Variants in RHEX observed in about 807,000 individuals in gnomAD.
RHEX encodes regulator of hemoglobinization and erythroid cell expansion protein.
RHEX carries 18 observed loss-of-function variants against 20.1 expected under a neutral mutation model. The ratio of observed to expected loss-of-function variants is 0.90; its 90% CI spans 0.62 to 1.33. The LOEUF (loss-of-function observed/expected upper bound fraction) is 1.33. Ranked by LOEUF, RHEX falls within the 40% of genes most tolerant of loss-of-function variation. The probability of loss-of-function intolerance (pLI) is 0.00; values close to 1 mark genes in which losing one functional copy is unlikely to be tolerated. For synonymous variants in RHEX, 87 were observed against 77.1 expected, an observed-to-expected ratio of 1.13 and a Z score of -0.67; for missense variants, 192 against 214.3, an observed-to-expected ratio of 0.90 and a Z score of 0.65.
At chr1:206,073,886 T>G (rs1453622589) in intron 1 of RHEX, among the ~76,000 whole-genome samples, 2 of 152,162 alleles carry the variant, frequency 1.3e-5, no homozygotes, top group African/African-American at 2.4e-5. Flanking sequence ...TAATCTTGCC[T>G]CCTTTTGACT....
At chr1:206,061,102 G>A (rs1305866807) in intron 1 of RHEX, 1 of 152,118 alleles carries the variant, frequency 6.6e-6, no homozygotes, top group Non-Finnish European at 1.5e-5. Flanking sequence ...TGGCCTATAT[G>A]CCTCAGCTAA....
chr1:206,069,792 C>A (rs1348631227), intron 1 of RHEX, among the ~76,000 whole-genome samples: 1 of 152,146 alleles, frequency 6.6e-6, no homozygotes, highest in Non-Finnish European at 1.5e-5. Context: ...TGCTCTACAA[C>A]TTTCGAGGGC....
intron 1 of RHEX, among the ~76,000 whole-genome samples, chr1:206,055,182 C>T (rs1377054512): frequency 6.6e-6 from 1 of 152,266 alleles, no homozygotes; most frequent in Non-Finnish European, 1.5e-5. Context: ...TCCCAAAGTC[C>T]CTGCGGGTCA....
At chr1:206,058,498 AAAC>A (rs1444418222) in intron 1 of RHEX, among the ~76,000 whole-genome samples, 7 of 152,270 alleles carry the variant, frequency 4.6e-5, no homozygotes, top group African/African-American at 1.4e-4. Flanking sequence ...TTTAAGAAAA[AAAC>A]AACAAGGAAG....
In RHEX at chr1:206,072,622, T is replaced by C. The variant is rs199511376; in HGVS notation, c.-97+19357T>C. On this transcript the variant is annotated intron_variant, in intron 1 of 5. Coordinates refer to ENST00000331555, the MANE Select transcript of RHEX (RefSeq NM_001007544.4). The stretch of plus-strand genomic sequence containing the variant: ...TGTTTTAGGCTTTGTAAAAATACCA[T>C]ATTCCCGTAATGTACTCTGAAAATA... Among the ~76,000 whole-genome samples the C allele has an allele frequency of 4.6e-5, 7 of 152,224 alleles. No homozygotes were observed. In the East Asian group the frequency reaches 9.6e-4, roughly 21 times the overall value.
chr1:206,063,089 A>G (rs1662337370), intron 1 of RHEX, among the ~76,000 whole-genome samples: 1 of 152,200 alleles, frequency 6.6e-6, no homozygotes, highest in Non-Finnish European at 1.5e-5. Flanking sequence ...GGAAGGCCTT[A>G]CTGACATTTG....
intron 1 of RHEX, among the ~76,000 whole-genome samples, chr1:206,064,081 G>T (rs1269560196): frequency 2.7e-5 from 4 of 147,482 alleles, no homozygotes; most frequent in African/African-American, 1.0e-4. Context: ...CTGCCCAGCC[G>T]CGACCCCGTC....
At chr1:206,093,667 G>A (rs559820445) in intron 1 of RHEX, among the ~76,000 whole-genome samples, 4 of 152,276 alleles carry the variant, frequency 2.6e-5, no homozygotes, top group African/African-American at 9.6e-5. Flanking sequence ...ATGGTGTATG[G>A]CAGGAAAGTG....
At chr1:206,053,812 T>C (rs1402500269) in intron 1 of RHEX, among the ~76,000 whole-genome samples, 1 of 152,172 alleles carries the variant, frequency 6.6e-6, no homozygotes, top group Non-Finnish European at 1.5e-5. Context: ...TACAGCTGCT[T>C]TTATACCCCC....
At position 206,101,793 on chromosome 1, in the gene RHEX, C is replaced by A. The variant is rs781971472; in HGVS notation, c.360C>A (p.Asp120Glu). The A allele has an allele frequency of 1.9e-6, 3 of 1,613,872 alleles. No homozygotes were observed. The highest frequency in any genetic ancestry group is 2.2e-5 in the East Asian group (1 of 44,886). ...DVDYTQVVFSDPGELKNDSPL... is the reference protein window; with the variant it reads ...DVDYTQVVFSEPGELKNDSPL... The stretch of plus-strand genomic sequence containing the variant: ...ATTACACACAAGTCGTCTTTTCTGA[C>A]CCTGGAGAACTAAAAAATGACTCCC... Residue 120 changes from aspartate to glutamate, a missense_variant, in exon 6 of 6, where the codon GAC becomes GAA. By Grantham distance (45) the Asp-to-Glu change is conservative (BLOSUM62 2). Transcript: ENST00000331555.
chr1:206,068,563 AG>A (rs1553284385), intron 1 of RHEX, among the ~76,000 whole-genome samples: 1 of 152,086 alleles, frequency 6.6e-6, no homozygotes, highest in Non-Finnish European at 1.5e-5. Flanking sequence ...ATTTAAAGGG[AG>A]GCTGAACTCA....
In RHEX at chr1:206,102,144, C is replaced by T. The variant is rs2102332602; in HGVS notation, c.*192C>T. On this transcript the variant is annotated 3_prime_UTR_variant, in exon 6 of 6. Transcript: ENST00000331555. ...GACCCATGGACTCCTGGTCTGTACC[C>T]AAAAAAGCTGTTCGTTCCTCAAAAA... 1 of 606,422 alleles carries T rather than the reference C, an allele frequency of 1.6e-6. No homozygotes were observed. Among genetic ancestry groups the T allele is most frequent in the East Asian group, 2.7e-5 (1 of 37,112 alleles). 37.6% of individuals were successfully genotyped at this position (606,422 alleles called of 1,614,324 possible).
chr1:206,071,599 C>T (rs560711378), intron 1 of RHEX, among the ~76,000 whole-genome samples: 6 of 149,104 alleles, frequency 4.0e-5, no homozygotes, highest in Non-Finnish European at 5.9e-5. Flanking sequence ...GTCATCCCAG[C>T]GCTTTGGGAG....
chr1:206,077,882 G>A (rs1553285438), intron 1 of RHEX, among the ~76,000 whole-genome samples: 1 of 152,136 alleles, frequency 6.6e-6, no homozygotes, highest in Admixed American at 6.5e-5. Context: ...GTGAATAAGT[G>A]GAAGAAAATG....
chr1:206,090,873 T>G (rs1298637655), intron 1 of RHEX, among the ~76,000 whole-genome samples: 1 of 152,178 alleles, frequency 6.6e-6, no homozygotes, highest in East Asian at 1.9e-4. Context: ...AGCTGGTAAT[T>G]TTAGAATATT....
Position 206,102,066 on chromosome 1 carries a change from C to A in RHEX, c.*114C>A. On this transcript the variant is annotated 3_prime_UTR_variant, in exon 6 of 6. Coordinates refer to ENST00000331555, the MANE Select transcript of RHEX (RefSeq NM_001007544.4). Reference sequence around the variant, plus strand: ...CATGGGGCTCACAAGTCTATGGAGACAGGCCAAAAAGAATGTGGAGAAGAA... The same window carrying A: ...CATGGGGCTCACAAGTCTATGGAGAAAGGCCAAAAAGAATGTGGAGAAGAA... The A allele has an allele frequency of 2.4e-6, 2 of 850,872 alleles. No homozygotes were observed. The highest frequency in any genetic ancestry group is 2.2e-5 in the Admixed American group (1 of 46,138). The allele number at this position is 850,872 out of a possible 1,614,324, so 52.7% of individuals were successfully genotyped here. A position where few individuals can be genotyped will look rare whatever the true frequency, so the allele number is the denominator to read the frequency against.
chr1:206,072,491 G>T (rs919588206), intron 1 of RHEX, among the ~76,000 whole-genome samples: 1 of 152,258 alleles, frequency 6.6e-6, no homozygotes, highest in South Asian at 2.1e-4. Flanking sequence ...CAGGAGAATA[G>T]CTTCAACCTG....
intron 1 of RHEX, among the ~76,000 whole-genome samples, chr1:206,059,128 T>C (rs927549454): frequency 2.6e-5 from 4 of 152,080 alleles, no homozygotes; most frequent in Non-Finnish European, 5.9e-5. Context: ...AGGGTTTAGG[T>C]GTGTCATCTG....
intron 3 of RHEX, among the ~76,000 whole-genome samples, chr1:206,099,153 C>T (rs137998694): frequency 4.3e-4 from 65 of 152,204 alleles, no homozygotes; most frequent in African/African-American, 1.4e-3. Context: ...AGTGAGGCCT[C>T]GGAGGCTGGG....
Sources: gnomAD v4.1 joint callset for allele counts (sites outside exome capture counted in the v4.1 genomes callset) on GRCh38, gnomAD v4.1.1 for gene constraint, MANE v1.5 for transcripts, NCBI Gene and HGNC (gene_info 2026-07-23, HGNC 2026-07-21) for gene names.